DNAH11: variants seen among roughly 807,000 people sequenced by gnomAD.
DNAH11 encodes dynein axonemal heavy chain 11, also known as axonemal beta dynein heavy chain 11.
DNAH11 carries 442 observed loss-of-function variants against 526.0 expected under a neutral mutation model. That is an observed-to-expected ratio of 0.84 (90% CI 0.78 to 0.91). The LOEUF (loss-of-function observed/expected upper bound fraction) is 0.91. DNAH11 is among the 40% of genes least tolerant of loss of function. The probability of loss-of-function intolerance (pLI) is 0.00; values close to 1 mark genes in which losing one functional copy is unlikely to be tolerated. For missense variants in DNAH11, 6,989 were observed against 5,448.7 expected (o/e 1.28, Z -8.90); for synonymous variants, 2,461 against 1,935.9 (o/e 1.27, Z -7.12).
intron 45 of DNAH11, among the ~76,000 whole-genome samples, chr7:21,733,841 T>TTATA (rs200306805): frequency 2.0e-5 from 3 of 152,040 alleles, no homozygotes; most frequent in Admixed American, 1.3e-4. Flanking sequence ...CTAGCCTTTT[T>TTATA]TATATATATA....
In DNAH11 at chr7:21,621,223, AG is replaced by A. The variant is rs780044724; in HGVS notation, c.4500+1146del. The stretch of plus-strand genomic sequence containing the variant: ...ATGCAAATAAACTAGAAAATCTAGA[AG>A]AAATGGATAAATTCCTCGACACATA... On this transcript the variant is annotated intron_variant, in intron 25 of 81. Coordinates refer to ENST00000409508, the MANE Select transcript of DNAH11 (RefSeq NM_001277115.2). Among the ~76,000 whole-genome samples the A allele has an allele frequency of 7.2e-5, 11 of 152,214 alleles. 1 individual carries two copies. Among genetic ancestry groups the A allele is most frequent in the Non-Finnish European group, 1.5e-4 (10 of 68,040 alleles).
intron 14 of DNAH11, 39 bp from the exon 15 acceptor site, chr7:21,599,748 T>C (rs1784999199): frequency 7.2e-7 from 1 of 1,382,530 alleles, no homozygotes; most frequent in African/African-American, 1.5e-5. Context: ...ATGCTAATTA[T>C]TTGTTTATAT....
intron 49 of DNAH11, among the ~76,000 whole-genome samples, chr7:21,742,973 G>T (rs1233002777): frequency 6.6e-6 from 1 of 152,234 alleles, no homozygotes; most frequent in Non-Finnish European, 1.5e-5. Flanking sequence ...GGTGCCTTAA[G>T]TGGTGCATCC....
intron 18 of DNAH11, among the ~76,000 whole-genome samples, chr7:21,603,056 C>T (rs1179631969): frequency 2.0e-5 from 3 of 152,166 alleles, no homozygotes; most frequent in Admixed American, 6.5e-5. Context: ...CCTGCCAAGC[C>T]TTGCAAACCC....
chr7:21,628,680 A>G (rs1786462280), intron 25 of DNAH11, among the ~76,000 whole-genome samples: 1 of 152,092 alleles, frequency 6.6e-6, no homozygotes, highest in South Asian at 2.1e-4. Context: ...GTATTGTTGA[A>G]TTCCATCAGC....
chr7:21,617,846 T>C (rs949869307), intron 23 of DNAH11, 69 bp downstream of exon 23: 3 of 1,445,552 alleles, frequency 2.1e-6, no homozygotes, highest in Non-Finnish European at 2.8e-6. Flanking sequence ...GTTTGCATCA[T>C]CTGAGATGAA....
At chr7:21,625,356 G>T (rs1420755699) in intron 25 of DNAH11, among the ~76,000 whole-genome samples, 11 of 151,992 alleles carry the variant, frequency 7.2e-5, no homozygotes, top group Admixed American at 7.2e-4. Flanking sequence ...CGTATCAGTT[G>T]TAATAACTCT....
In DNAH11 at chr7:21,748,701, C is replaced by A; in HGVS notation, c.8632C>A (p.Gln2878Lys). 6.2e-7 allele frequency: 1 copy of A among 1,613,552 alleles called. No individual in the cohort carries two copies. The highest frequency in any genetic ancestry group is 8.5e-7 in the Non-Finnish European group (1 of 1,179,676). The stretch of plus-strand genomic sequence containing the variant: ...TTACCTTCGTGGCCTTGAGGTCTTT[C>A]AGATCACTCTGACCGAGGGCTATGG... Reference protein sequence around the residue: ...AAYLRGLEVFQITLTEGYGIQ... With the variant: ...AAYLRGLEVFKITLTEGYGIQ... The change falls in exon 52 of 82, where the codon CAG (glutamine) becomes AAG (lysine). Residue 2878 changes from glutamine (Q) to lysine (K), a missense_variant. Coordinates refer to ENST00000409508, the MANE Select transcript of DNAH11 (RefSeq NM_001277115.2).
At chr7:21,666,868 C>T (rs945427760) in intron 30 of DNAH11, among the ~76,000 whole-genome samples, 1 of 151,712 alleles carries the variant, frequency 6.6e-6, no homozygotes, top group Non-Finnish European at 1.5e-5. Context: ...CCTCCCCTCT[C>T]ATCAAAGGTT....
chr7:21,702,641 C>T (rs1784113023), intron 36 of DNAH11, 69 bp from the exon 37 acceptor site: 2 of 1,374,428 alleles, frequency 1.5e-6, no homozygotes, highest in East Asian at 4.7e-5. Flanking sequence ...ACTTTCAGCT[C>T]TTACCTCTGG....
intron 74 of DNAH11, among the ~76,000 whole-genome samples, chr7:21,875,518 C>G (rs1783670726): frequency 1.3e-5 from 2 of 152,056 alleles, no homozygotes. Flanking sequence ...GCACATTGGG[C>G]CAGACACAGT....
intron 18 of DNAH11, among the ~76,000 whole-genome samples, chr7:21,606,094 C>T (rs1222610755): frequency 6.6e-6 from 1 of 152,144 alleles, no homozygotes; most frequent in Non-Finnish European, 1.5e-5. Context: ...GAGCCAGAGG[C>T]AGGTGAATCG....
intron 2 of DNAH11, among the ~76,000 whole-genome samples, chr7:21,555,864 C>T (rs1247333680): frequency 6.6e-6 from 1 of 152,112 alleles, no homozygotes; most frequent in Non-Finnish European, 1.5e-5. Context: ...TGCACAGGCA[C>T]AGAGATCCCA....
In DNAH11 at chr7:21,779,006, C is replaced by T; in HGVS notation, c.9385C>T (p.Leu3129=). ...TGCCTCTCAAGAAGCCGAGCTGCAA[C>T]TGAGAAATCATGATGCCGAAGCTCT... ...RLASQEAELQ[L]RNHDAEALIT... The change falls in exon 57 of 82, where the codon CTG becomes TTG. Residue 3129 remains leucine (L), a synonymous_variant. Transcript: ENST00000409508. 2 of 1,613,388 alleles carry T rather than the reference C, an allele frequency of 1.2e-6. No homozygotes were observed. Among genetic ancestry groups the T allele is most frequent in the Non-Finnish European group, 1.7e-6 (2 of 1,179,598 alleles).
chr7:21,548,964 C>G (rs1172913473), intron 2 of DNAH11, among the ~76,000 whole-genome samples: 1 of 152,008 alleles, frequency 6.6e-6, no homozygotes, highest in Non-Finnish European at 1.5e-5. Flanking sequence ...TCACTGCAAC[C>G]TCTGCCTCCC....
chr7:21,894,540 C>G (rs1326593306), intron 77 of DNAH11, 83 bp from the exon 78 acceptor site: 1 of 1,403,512 alleles, frequency 7.1e-7, no homozygotes, highest in Non-Finnish European at 9.8e-7. Context: ...TATTCTGTAA[C>G]TTCAAAAAGT....
At chr7:21,822,290 G>T (rs1790089446) in intron 65 of DNAH11, among the ~76,000 whole-genome samples, 1 of 152,148 alleles carries the variant, frequency 6.6e-6, no homozygotes, top group Admixed American at 6.6e-5. Flanking sequence ...ACGGGGAGCA[G>T]ACATGTCACA....
chr7:21,769,516 A>G (rs535411472), intron 55 of DNAH11, among the ~76,000 whole-genome samples: 2 of 150,012 alleles, frequency 1.3e-5, no homozygotes, highest in African/African-American at 4.9e-5. Context: ...AGGGAGTCTC[A>G]CTCTGTCACC....
At chr7:21,564,705 C>T (rs551989257) in intron 6 of DNAH11, among the ~76,000 whole-genome samples, 2 of 152,132 alleles carry the variant, frequency 1.3e-5, no homozygotes, top group African/African-American at 4.8e-5. Flanking sequence ...TTCTTTGTAG[C>T]CTTCCCTTCG....
Sources: allele counts gnomAD v4.1 joint callset (sites outside exome capture counted in the v4.1 genomes callset), GRCh38; gene constraint gnomAD v4.1.1; transcripts MANE v1.5; gene names NCBI Gene and HGNC (gene_info 2026-07-23, HGNC 2026-07-21).